Variants in PNLIP observed in about 807,000 individuals in gnomAD.
PNLIP encodes the protein pancreatic lipase.
Under a neutral mutation model 57.1 loss-of-function variants are expected in PNLIP, and 49 were observed. That is an observed-to-expected ratio of 0.86 (90% CI 0.68 to 1.09). PNLIP has a LOEUF of 1.09. PNLIP is among the 50% of genes least tolerant of loss of function. PNLIP has a pLI of 0.00. For missense variants in PNLIP, 503 were observed against 570.2 expected (o/e 0.88, Z 1.20); for synonymous variants, 209 against 200.4 (o/e 1.04, Z -0.36).
At chr10:116,554,026 G>A (rs1847225081) in intron 6 of PNLIP, among the ~76,000 whole-genome samples, 188 bp downstream of exon 6, 1 of 151,944 alleles carries the variant, frequency 6.6e-6, no homozygotes, top group South Asian at 2.1e-4. Context: ...AATACAAGAT[G>A]GAAATTTGGT....
Position 116,561,467 on chromosome 10 carries a change from C to T in PNLIP, c.1170-5C>T. On this transcript the variant is annotated splice_polypyrimidine_tract_variant and splice_region_variant and intron_variant, in intron 11 of 12. Coordinates refer to ENST00000369221, the MANE Select transcript of PNLIP (RefSeq NM_000936.4). ...TATGTTTTTGTTAACTTCTTAAATCCTTAGGGGCACTCTCAAACCAGATAG... is the reference window on the plus strand; with the variant it reads ...TATGTTTTTGTTAACTTCTTAAATCTTTAGGGGCACTCTCAAACCAGATAG... 1.2e-6 allele frequency: 2 copies of T among 1,608,006 alleles called. No individual in the cohort carries two copies. Among genetic ancestry groups the T allele is most frequent in the East Asian group, 4.5e-5 (2 of 44,782 alleles).
chr10:116,562,838 G>A (rs1847328205), intron 12 of PNLIP, among the ~76,000 whole-genome samples: 1 of 152,170 alleles, frequency 6.6e-6, no homozygotes, highest in East Asian at 1.9e-4. Flanking sequence ...AGAAGGTCTT[G>A]CTTTATAGTG....
chr10:116,565,088 T>C lies in PNLIP; in HGVS notation c.1335-2647T>C, dbSNP rs144909946. 3.2e-4 allele frequency among the ~76,000 whole-genome samples: 48 copies of C among 151,528 alleles called. 1 individual carries two copies. The highest frequency in any genetic ancestry group is 1.1e-3 in the African/African-American group (47 of 41,362). On this transcript the variant is annotated intron_variant, in intron 12 of 12. Coordinates refer to ENST00000369221, the MANE Select transcript of PNLIP (RefSeq NM_000936.4). ...ATGGCTAACACGGTGAAACCCCGTC[T>C]CTACTAAATACACGACGCAGGCGTG...
intron 12 of PNLIP, among the ~76,000 whole-genome samples, chr10:116,566,477 C>T (rs1014945553): frequency 3.8e-4 from 58 of 152,056 alleles, no homozygotes; most frequent in African/African-American, 1.4e-3. Flanking sequence ...ATGTTAATAA[C>T]TTTGATGTTG....
chr10:116,555,043 G>A lies in PNLIP; in HGVS notation c.572-135G>A, dbSNP rs1847237421. ...AAATTCACTTTAAAGCAAATAGCTA[G>A]AAGTAGATTCCTCTTCAGCAAATGG... On this transcript the variant is annotated intron_variant, in intron 6 of 12. Coordinates refer to ENST00000369221, the MANE Select transcript of PNLIP (RefSeq NM_000936.4). 82 of 963,962 alleles carry A rather than the reference G, an allele frequency of 8.5e-5. 2 individuals carry two copies. In the South Asian group the frequency reaches 1.3e-3, roughly 15 times the overall value. 59.7% of individuals were successfully genotyped at this position (963,962 alleles called of 1,614,324 possible).
chr10:116,547,496 G>T, intron 3 of PNLIP, 48 bp downstream of exon 3: 4 of 1,536,134 alleles, frequency 2.6e-6, no homozygotes, highest in Non-Finnish European at 3.5e-6. Flanking sequence ...GGAGGCCGAG[G>T]CGGGCGGTTC....
chr10:116,554,831 G>A (rs556792545), intron 6 of PNLIP, among the ~76,000 whole-genome samples: 45 of 152,284 alleles, frequency 3.0e-4, no homozygotes, highest in East Asian at 1.4e-3. Context: ...TCTCAGTGAC[G>A]TTTGTGAAAG....
chr10:116,567,177 TTTC>T (rs1847378033), intron 12 of PNLIP, among the ~76,000 whole-genome samples: 1 of 151,710 alleles, frequency 6.6e-6, no homozygotes, highest in African/African-American at 2.4e-5. Flanking sequence ...TTTCTCTTTC[TTTC>T]TTTTCTTTCT....
rs769952171 is a variant in PNLIP at position 116,561,532 on chromosome 10, G to A, written c.1230G>A (p.Gly410=). The A allele has an allele frequency of 2.2e-5, 35 of 1,613,448 alleles. No homozygotes were observed. The highest frequency in any genetic ancestry group is 2.8e-5 in the Non-Finnish European group (33 of 1,179,676). Residue 410 remains glycine, a synonymous_variant, in exon 12 of 13, where the codon GGG becomes GGA. Transcript: ENST00000369221. ...SNEFDSDVDV[G]DLQMVKFIWY... is the part of the protein sequence containing the mutation. ...AATTTGACTCAGATGTGGATGTTGG[G>A]GACTTGCAGATGGTTAAATTTATTT...
intron 12 of PNLIP, among the ~76,000 whole-genome samples, 155 bp from the exon 13 acceptor site, chr10:116,567,580 G>A (rs927605589): frequency 6.6e-6 from 1 of 152,174 alleles, no homozygotes; most frequent in African/African-American, 2.4e-5. Context: ...AGTCCTTTAT[G>A]TAGAAGAGGT....
chr10:116,560,734 C>T (rs561763474), intron 11 of PNLIP, among the ~76,000 whole-genome samples: 15 of 151,596 alleles, frequency 9.9e-5, no homozygotes, highest in South Asian at 2.1e-4. Flanking sequence ...CCCACCACCA[C>T]GCCTGGCTAA....
intron 12 of PNLIP, among the ~76,000 whole-genome samples, chr10:116,567,238 ATTCCTTCC>A (rs762022737): frequency 4.1e-5 from 3 of 73,818 alleles, no homozygotes; most frequent in African/African-American, 1.6e-4. Context: ...TTCTTTCTTT[ATTCCTTCC>A]TTCCTTCCTT....
intron 9 of PNLIP, 38 bp from the exon 10 acceptor site, chr10:116,559,114 GAT>G (rs776303030): frequency 3.8e-6 from 6 of 1,595,014 alleles, no homozygotes; most frequent in Non-Finnish European, 5.1e-6. Context: ...ACAACTAAAA[GAT>G]AGGGCATCCT....
chr10:116,560,501 C>A lies in PNLIP; in HGVS notation c.1146C>A (p.Asn382Lys). ...ILVSLFGNKG[N>K]SKQYEIFKGT... is the part of the protein sequence containing the mutation. ...TTTCTTTGTTCGGAAATAAAGGAAACTCTAAGCAGTATGAAATTTTCAAGT... is the reference window on the plus strand; with the variant it reads ...TTTCTTTGTTCGGAAATAAAGGAAAATCTAAGCAGTATGAAATTTTCAAGT... Residue 382 changes from asparagine to lysine, a missense_variant, in exon 11 of 13, where the codon AAC becomes AAA. By Grantham distance (94) the Asn-to-Lys change is moderately conservative. Coordinates refer to ENST00000369221, the MANE Select transcript of PNLIP (RefSeq NM_000936.4). 6.5e-7 allele frequency: 1 copy of A among 1,534,950 alleles called. No homozygotes were observed. The highest frequency in any genetic ancestry group is 9.0e-7 in the Non-Finnish European group (1 of 1,115,768).
Position 116,555,382 on chromosome 10 carries a change from T to TTC in PNLIP, c.692-5_692-4insCT, listed in dbSNP as rs111925657. The TTC allele has an allele frequency of 3.7e-5, 60 of 1,614,132 alleles. 1 individual carries two copies. In the African/African-American group the frequency reaches 6.3e-4, roughly 17 times the overall value. On this transcript the variant is annotated splice_polypyrimidine_tract_variant and splice_region_variant and intron_variant, in intron 7 of 12. Coordinates refer to ENST00000369221, the MANE Select transcript of PNLIP (RefSeq NM_000936.4). ...CATAAACCCTCATGTATTTTTATGA[T>TTC]TTCAGGGTTTGGAATGAGCCAAGTC...
chr10:116,566,532 G>A (rs866830047), intron 12 of PNLIP, among the ~76,000 whole-genome samples: 2 of 152,044 alleles, frequency 1.3e-5, no homozygotes, highest in African/African-American at 4.8e-5. Context: ...GTGTGAAAAC[G>A]TATCAATTTA....
chr10:116,563,605 T>G (rs1000860051), intron 12 of PNLIP, among the ~76,000 whole-genome samples: 2 of 152,160 alleles, frequency 1.3e-5, no homozygotes, highest in Non-Finnish European at 2.9e-5. Flanking sequence ...TGCGTCATCA[T>G]AGCTTAGCTC....
At position 116,548,369 on chromosome 10, in the gene PNLIP, G is replaced by T; in HGVS notation, c.211G>T (p.Ala71Ser). The T allele has an allele frequency of 1.2e-6, 2 of 1,613,736 alleles. No homozygotes were observed. The highest frequency in any genetic ancestry group is 2.2e-5 in the East Asian group (1 of 44,872). ...TTTTCTGTCTAAACAGGAAGTTGCC[G>T]CAGATTCATCAAGCATCAGTGGCTC... ...ENPNNFQEVA[A>S]DSSSISGSNF... Residue 71 changes from alanine (A) to serine (S), a missense_variant, in exon 4 of 13, where the codon GCA becomes TCA. Physicochemically the swap from Ala to Ser is moderately conservative, Grantham distance 99. Transcript: ENST00000369221.
At chr10:116,556,504 A>C (rs1400140126) in intron 9 of PNLIP, among the ~76,000 whole-genome samples, 3 of 152,186 alleles carry the variant, frequency 2.0e-5, no homozygotes, top group African/African-American at 7.2e-5. Context: ...AGACATGTGG[A>C]CATTTCTGTG....
Sources: gnomAD v4.1 joint callset for allele counts (sites outside exome capture counted in the v4.1 genomes callset) on GRCh38, gnomAD v4.1.1 for gene constraint, MANE v1.5 for transcripts, NCBI Gene and HGNC (gene_info 2026-07-23, HGNC 2026-07-21) for gene names.